USP15: variants seen among roughly 807,000 people sequenced by gnomAD.
USP15 encodes the protein ubiquitin specific peptidase 15, also known as ubiquitin carboxyl-terminal hydrolase 15.
Under a neutral mutation model 127.1 loss-of-function variants are expected in USP15, and 18 were observed. The observed-to-expected ratio is 0.14, with a 90% confidence interval of 0.10 to 0.21. USP15 has a LOEUF of 0.21. Ranked by LOEUF, USP15 falls within the 10% of genes least tolerant of loss-of-function variation. The probability of loss-of-function intolerance (pLI) is 1.00; values close to 1 mark genes in which losing one functional copy is unlikely to be tolerated. For missense variants in USP15, 805 were observed against 1,159.9 expected (o/e 0.69, Z 4.44); for synonymous variants, 364 against 393.7 (o/e 0.92, Z 0.89).
At position 62,412,303 on chromosome 12, in the gene USP15, T is replaced by C. The variant is rs2137717390; in HGVS notation, c.*7928T>C. ...GATGGACAGTCTTGCCTCATTTTGA[T>C]AGATACTCACCAGGATGGTGGTTGC... On this transcript the variant is annotated 3_prime_UTR_variant, in exon 22 of 22. Transcript: ENST00000280377. The C allele has an allele frequency of 6.6e-6, 1 of 152,330 alleles. No individual in the cohort carries two copies. The highest frequency in any genetic ancestry group is 1.9e-4 in the East Asian group (1 of 5,182). 9.4% of individuals were successfully genotyped at this position (152,330 alleles called of 1,614,324 possible). A position where few individuals can be genotyped will look rare whatever the true frequency, so the allele number is the denominator to read the frequency against.
chr12:62,265,138 T>G (rs1411048119), intron 1 of USP15, among the ~76,000 whole-genome samples: 1 of 152,210 alleles, frequency 6.6e-6, no homozygotes, highest in Non-Finnish European at 1.5e-5. Context: ...TAGTCAATGA[T>G]TTCGTTTATC....
Position 62,393,106 on chromosome 12 carries a change from G to C in USP15, c.2474G>C (p.Trp825Ser). 6.2e-7 allele frequency: 1 copy of C among 1,613,772 alleles called. No homozygotes were observed. Among genetic ancestry groups the C allele is most frequent in the Non-Finnish European group, 8.5e-7 (1 of 1,179,834 alleles). The change falls in exon 19 of 22, where the codon TGG becomes TCG. Residue 825 changes from tryptophan to serine, a missense_variant. Trp to Ser is a radical substitution (Grantham distance 177). Coordinates refer to ENST00000280377, the MANE Select transcript of USP15 (RefSeq NM_001252078.2). The part of the protein sequence containing the change: ...HQQATKKLDL[W>S]SLPPVLVVHL... The stretch of plus-strand genomic sequence containing the variant: ...CAAGCCACAAAGAAATTGGATTTAT[G>C]GTCCCTGCCTCCAGTACTTGTAGTA...
chr12:62,279,997 C>T (rs1156478870), intron 1 of USP15, among the ~76,000 whole-genome samples: 3 of 152,046 alleles, frequency 2.0e-5, no homozygotes, highest in Non-Finnish European at 2.9e-5. Flanking sequence ...ACTTTGTAAC[C>T]TTGGGCAAGT....
chr12:62,327,986 A>C (rs1413098798), intron 6 of USP15, among the ~76,000 whole-genome samples: 13 of 152,230 alleles, frequency 8.5e-5, no homozygotes, highest in Admixed American at 8.5e-4. Context: ...CCTATGTATG[A>C]AAAGATTCTC....
At chr12:62,351,289 G>A (rs551307603) in intron 7 of USP15, among the ~76,000 whole-genome samples, 1 of 150,224 alleles carries the variant, frequency 6.7e-6, no homozygotes, top group African/African-American at 2.4e-5. Flanking sequence ...ATGTGCACAG[G>A]CCAAAAAAAA....
chr12:62,282,143 C>T (rs373638632), intron 1 of USP15, among the ~76,000 whole-genome samples: 48 of 152,168 alleles, frequency 3.2e-4, no homozygotes, highest in Non-Finnish European at 4.6e-4. Flanking sequence ...TCCTGGGCAA[C>T]GTAGTGATAT....
chr12:62,325,857 G>T lies in USP15; in HGVS notation c.622-15G>T. 2 of 1,597,704 alleles carry T rather than the reference G, an allele frequency of 1.3e-6. No individual in the cohort carries two copies. Among genetic ancestry groups the T allele is most frequent in the Non-Finnish European group, 1.7e-6 (2 of 1,170,906 alleles). On this transcript the variant is annotated splice_polypyrimidine_tract_variant and intron_variant, in intron 5 of 21. Transcript: ENST00000280377. ...AGTTATGGAAAAACACCCTTTTATT[G>T]TGTCATATTTGCAGGTATTAGTGAT...
intron 1 of USP15, among the ~76,000 whole-genome samples, chr12:62,285,217 A>G (rs969822579): frequency 6.6e-6 from 1 of 152,114 alleles, no homozygotes; most frequent in Admixed American, 6.6e-5. Context: ...AATAGTGTAT[A>G]TTGTACTCAT....
chr12:62,329,756 CA>C (rs1225630489), intron 6 of USP15, among the ~76,000 whole-genome samples: 2 of 152,182 alleles, frequency 1.3e-5, no homozygotes, highest in African/African-American at 4.8e-5. Context: ...TTTCACCCAT[CA>C]AAATGACAAA....
chr12:62,307,588 G>A (rs999466238), intron 3 of USP15, among the ~76,000 whole-genome samples: 7 of 152,052 alleles, frequency 4.6e-5, no homozygotes, highest in African/African-American at 1.7e-4. Flanking sequence ...TGCTTTCCGC[G>A]ATTTCAGTTA....
At position 62,401,288 on chromosome 12, in the gene USP15, T is replaced by C. The variant is rs1338420468; in HGVS notation, c.2763+13T>C. 1.3e-6 allele frequency: 2 copies of C among 1,598,124 alleles called. No individual in the cohort carries two copies. Among genetic ancestry groups the C allele is most frequent in the Non-Finnish European group, 1.7e-6 (2 of 1,166,738 alleles). On this transcript the variant is annotated intron_variant, in intron 21 of 21. Transcript: ENST00000280377. The stretch of plus-strand genomic sequence containing the variant: ...AGACCAAATTGTGGTAAGTTTGTCT[T>C]ATATTTCCTGAGAACTATGGGATTC...
intron 1 of USP15, chr12:62,274,441 T>C (rs2063427235): frequency 6.6e-6 from 1 of 151,626 alleles, no homozygotes; most frequent in African/African-American, 2.4e-5. Context: ...ACGGTGCATT[T>C]ACTACCTCTC....
chr12:62,359,001 A>C (rs1055688585), intron 8 of USP15, among the ~76,000 whole-genome samples: 1 of 152,162 alleles, frequency 6.6e-6, no homozygotes, highest in Non-Finnish European at 1.5e-5. Context: ...TATGAAGATT[A>C]TAGCCTAGAT....
intron 21 of USP15, among the ~76,000 whole-genome samples, chr12:62,402,811 C>A (rs1016068393): frequency 2.0e-5 from 3 of 151,960 alleles, no homozygotes; most frequent in Non-Finnish European, 2.9e-5. Context: ...CTTAACATTT[C>A]TCTGAGAACA....
rs912636636 is a variant in USP15 at position 62,335,932 on chromosome 12, TTGTC to T, written c.683+10005_683+10008del. The T allele has an allele frequency of 6.1e-5, 60 of 985,464 alleles. 1 individual carries two copies. The African/African-American group carries it at 6.8e-4, about 11-fold the overall frequency. 61.0% of individuals were successfully genotyped at this position (985,464 alleles called of 1,614,324 possible). ...GGACTTTGCCTCTCTGACCAGTCCT[TTGTC>T]TGTCTAGCTCGGTTCCTCTTTAGGG... On this transcript the variant is annotated intron_variant, in intron 6 of 21. Transcript: ENST00000280377.
At chr12:62,316,127 G>A (rs1166082375) in intron 4 of USP15, among the ~76,000 whole-genome samples, 4 of 151,690 alleles carry the variant, frequency 2.6e-5, no homozygotes, top group Non-Finnish European at 4.4e-5. Context: ...TCTACTAAAA[G>A]TACAAAAATT....
At chr12:62,304,559 C>A (rs2064418265) in intron 3 of USP15, 4 of 281,896 alleles carry the variant, frequency 1.4e-5, no homozygotes, top group Admixed American at 1.2e-4. Context: ...TCAATGTTAC[C>A]CATCTCTGAT....
At chr12:62,355,543 G>A in intron 8 of USP15, 68 bp downstream of exon 8, 2 of 1,470,204 alleles carry the variant, frequency 1.4e-6, no homozygotes, top group South Asian at 1.5e-5. Context: ...GATAAAGTTG[G>A]GTTTTTCATG....
chr12:62,335,131 G>C, intron 6 of USP15: 1 of 1,532,676 alleles, frequency 6.5e-7, no homozygotes, highest in Non-Finnish European at 8.7e-7. Context: ...GTTAATGTAT[G>C]ATATTCTTAG....
Sources: allele counts gnomAD v4.1 joint callset (sites outside exome capture counted in the v4.1 genomes callset), GRCh38; gene constraint gnomAD v4.1.1; transcripts MANE v1.5; gene names NCBI Gene and HGNC (gene_info 2026-07-23, HGNC 2026-07-21).